The following MTERF2 variants were observed in gnomAD, a reference collection of about 807,000 sequenced individuals.
MTERF2 encodes mitochondrial transcription termination factor 2.
A neutral mutation model predicts 29.2 loss-of-function variants in MTERF2; 23 were observed. The ratio of observed to expected loss-of-function variants is 0.79; its 90% CI spans 0.57 to 1.12. MTERF2 has a LOEUF of 1.12. Among genes scored for constraint, MTERF2 ranks in the 50% most tolerant of loss-of-function variants. MTERF2 has a pLI of 0.00. For missense variants in MTERF2, 440 were observed against 429.4 expected (o/e 1.02, Z -0.22); for synonymous variants, 157 against 159.5 (o/e 0.98, Z 0.12).
chr12:106,984,869 T>C (rs1464566601), intron 2 of MTERF2, among the ~76,000 whole-genome samples: 1 of 152,180 alleles, frequency 6.6e-6, no homozygotes, highest in East Asian at 1.9e-4. Context: ...GCTATGTCTT[T>C]ATCAGCAGCA....
rs1951994917 is a variant in MTERF2, at chr12:106,977,407, CA to C, written c.*149del. Reference sequence around the variant, plus strand: ...ATATTTTATAATATGGCACATGAGTCAGAATTTATCTATTTAGAGATAACTT... The same window carrying C: ...ATATTTTATAATATGGCACATGAGTCGAATTTATCTATTTAGAGATAACTT... On this transcript the variant is annotated 3_prime_UTR_variant, in exon 3 of 3. Transcript: ENST00000240050. 2 of 569,580 alleles carry C rather than the reference CA, an allele frequency of 3.5e-6. No homozygotes were observed. The highest frequency in any genetic ancestry group is 5.9e-6 in the Non-Finnish European group (2 of 336,704). The allele number at this position is 569,580 out of a possible 1,614,324, so 35.3% of individuals were successfully genotyped here. A position where few individuals can be genotyped will look rare whatever the true frequency, so the allele number is the denominator to read the frequency against.
At chr12:106,986,823 A>G (rs1952123737) in intron 1 of MTERF2, 146 bp downstream of exon 1, 2 of 152,230 alleles carry the variant, frequency 1.3e-5, no homozygotes, top group South Asian at 4.1e-4. Context: ...AAAAGGCCGC[A>G]CATTCACTGT....
intron 2 of MTERF2, 148 bp from the exon 3 acceptor site, chr12:106,978,919 TC>T (rs1352550924): frequency 6.0e-6 from 3 of 500,118 alleles, no homozygotes; most frequent in Non-Finnish European, 1.0e-5. Flanking sequence ...TTAAAAATCT[TC>T]CTAAATAAGG....
intron 2 of MTERF2, among the ~76,000 whole-genome samples, chr12:106,983,532 G>A (rs34991083): frequency 0.36 from 54,038 of 152,046 alleles, 9,996 homozygotes; most frequent in Non-Finnish European, 0.42. Flanking sequence ...AGTTTTCCTT[G>A]ATGATCCTTA....
chr12:106,982,076 C>T (rs114298876), intron 2 of MTERF2, among the ~76,000 whole-genome samples: 6,213 of 152,192 alleles, frequency 0.041, 138 homozygotes, highest in Middle Eastern at 0.085. Context: ...TGTGCAGGAG[C>T]CTCTGTCAGT....
chr12:106,978,696 G>GC lies in MTERF2; in HGVS notation c.18dup (p.Leu7AlafsTer32). The GC allele has an allele frequency of 6.2e-7, 1 of 1,613,336 alleles. No homozygotes were observed. The highest frequency in any genetic ancestry group is 8.5e-7 in the Non-Finnish European group (1 of 1,179,664). On this transcript the variant is annotated frameshift_variant, in exon 3 of 3. Coordinates refer to ENST00000240050, the MANE Select transcript of MTERF2 (RefSeq NM_001033050.3). LOFTEE classifies it high-confidence loss of function. ...CACAGCCTGCAGGACTGGGATCTCA[G>GC]CAGCAGCTTCCACAACATGGCTGCA...
At position 106,977,360 on chromosome 12, in the gene MTERF2, C is replaced by A; in HGVS notation, c.*197G>T. 2 of 461,134 alleles carry A rather than the reference C, an allele frequency of 4.3e-6. No homozygotes were observed. The highest frequency in any genetic ancestry group is 4.6e-5 in the South Asian group (1 of 21,802). 28.6% of individuals were successfully genotyped at this position (461,134 alleles called of 1,614,324 possible). A position where few individuals can be genotyped will look rare whatever the true frequency, so the allele number is the denominator to read the frequency against. Reference sequence around the variant, plus strand: ...ATGGTTCAAGGTAAAAGTTACCAACCTTATTAAAATAAATATGATTTATAT... The same window carrying A: ...ATGGTTCAAGGTAAAAGTTACCAACATTATTAAAATAAATATGATTTATAT... On this transcript the variant is annotated 3_prime_UTR_variant, in exon 3 of 3. Coordinates refer to ENST00000240050, the MANE Select transcript of MTERF2 (RefSeq NM_001033050.3).
rs1951995363 is a variant in MTERF2, at chr12:106,977,483, A to G, written c.*74T>C. On this transcript the variant is annotated 3_prime_UTR_variant, in exon 3 of 3. Coordinates refer to ENST00000240050, the MANE Select transcript of MTERF2 (RefSeq NM_001033050.3). ...GTTCTTAAAATTACTGGTGTCTACA[A>G]ACTGCCTGAATTTTTGTCTTTGCTA... 7.0e-7 allele frequency: 1 copy of G among 1,419,416 alleles called. No individual in the cohort carries two copies. The highest frequency in any genetic ancestry group is 1.4e-5 in the South Asian group (1 of 71,282). 87.9% of individuals were successfully genotyped at this position (1,419,416 alleles called of 1,614,324 possible). A position where few individuals can be genotyped will look rare whatever the true frequency, so the allele number is the denominator to read the frequency against.
At chr12:106,984,946 A>T (rs4640029) in intron 2 of MTERF2, among the ~76,000 whole-genome samples, 169 bp downstream of exon 2, 49,930 of 152,142 alleles carry the variant, frequency 0.33, 9,821 homozygotes, top group Non-Finnish European at 0.45. Context: ...TGACTTCTGC[A>T]GCTTTTAGCA....
intron 2 of MTERF2, chr12:106,980,791 T>C (rs1426477965): frequency 1.3e-5 from 2 of 152,206 alleles, no homozygotes; most frequent in Non-Finnish European, 2.9e-5. Flanking sequence ...CTGGGGACTC[T>C]TCACTTTCAG....
intron 2 of MTERF2, 130 bp downstream of exon 2, chr12:106,984,983 TTC>T (rs1952094030): frequency 6.6e-6 from 1 of 152,358 alleles, no homozygotes; most frequent in Non-Finnish European, 1.5e-5. Flanking sequence ...CCTTGAAATA[TTC>T]TCTCATTTGA....
At chr12:106,980,926 AG>A (rs1247367824) in intron 2 of MTERF2, among the ~76,000 whole-genome samples, 2 of 152,354 alleles carry the variant, frequency 1.3e-5, no homozygotes, top group Admixed American at 1.3e-4. Flanking sequence ...AAATAATTGT[AG>A]GCATAGCTTG....
rs150635036 is a variant in MTERF2 at position 106,978,491 on chromosome 12, G to A, written c.224C>T (p.Thr75Ile). The A allele has an allele frequency of 5.8e-5, 94 of 1,614,114 alleles. No homozygotes were observed. Among genetic ancestry groups the A allele is most frequent in the Admixed American group, 5.5e-4 (33 of 60,010 alleles). Residue 75 changes from threonine (T) to isoleucine (I), a missense_variant, in exon 3 of 3, where the codon ACC (threonine) becomes ATC (isoleucine). By Grantham distance (89) the Thr-to-Ile change is moderately conservative (BLOSUM62 -1). Coordinates refer to ENST00000240050, the MANE Select transcript of MTERF2 (RefSeq NM_001033050.3). ...AATATTCGCAATTTCTTCAACATAGGTTTCATCCTCTAAAAGTACCCATCC... is the reference window on the plus strand; with the variant it reads ...AATATTCGCAATTTCTTCAACATAGATTTCATCCTCTAAAAGTACCCATCC... ...LKGWVLLEDETYVEEIANILQ... is the reference protein window; with the variant it reads ...LKGWVLLEDEIYVEEIANILQ...
intron 2 of MTERF2, among the ~76,000 whole-genome samples, chr12:106,984,495 G>A (rs957557570): frequency 1.3e-5 from 2 of 152,072 alleles, no homozygotes; most frequent in African/African-American, 2.4e-5. Flanking sequence ...GAGCTCAAGC[G>A]ATCTGCCCAC....
rs752879377 is a variant in MTERF2 at position 106,978,240 on chromosome 12, A to G, written c.475T>C (p.Leu159=). The G allele has an allele frequency of 8.7e-6, 14 of 1,613,708 alleles. No homozygotes were observed. Among genetic ancestry groups the G allele is most frequent in the Middle Eastern group, 1.6e-4 (1 of 6,084 alleles). The stretch of plus-strand genomic sequence containing the variant: ...CTAATGACCACATTTTTTAGTCCCA[A>G]CTCTTGAAAGAACTGAACATTCAGC... ...QKLNVQFFQE[L]GLKNVVISRL... The change falls in exon 3 of 3, where the codon TTG becomes CTG. Residue 159 remains leucine (L), a synonymous_variant. Transcript: ENST00000240050.
intron 2 of MTERF2, among the ~76,000 whole-genome samples, chr12:106,979,305 TA>T (rs989550381): frequency 5.3e-5 from 8 of 152,234 alleles, no homozygotes; most frequent in African/African-American, 1.9e-4. Context: ...AGCAGATACT[TA>T]AAGGGGGAAG....
Position 106,977,838 on chromosome 12 carries a change from A to G in MTERF2, c.877T>C (p.Tyr293His). The change falls in exon 3 of 3, where the codon TAT becomes CAT. Residue 293 changes from tyrosine (Y) to histidine (H), a missense_variant. Physicochemically the swap from Tyr to His is moderately conservative, Grantham distance 83 (BLOSUM62 2). Transcript: ENST00000240050. ...TCTTCTAAAACTGGAACAGAATAAT[A>G]TAAAAGGGCAGGACATTTCAAAACT... ...QLVLKCPALL[Y>H]YSVPVLEERM... 6.2e-7 allele frequency: 1 copy of G among 1,613,994 alleles called. No homozygotes were observed. Among genetic ancestry groups the G allele is most frequent in the Non-Finnish European group, 8.5e-7 (1 of 1,180,006 alleles).
At chr12:106,983,312 T>C (rs1952073024) in intron 2 of MTERF2, among the ~76,000 whole-genome samples, 1 of 152,182 alleles carries the variant, frequency 6.6e-6, no homozygotes, top group Admixed American at 6.5e-5. Context: ...TAACTCTCCA[T>C]ACCCTCTTCC....
rs35548605 is a variant in MTERF2 at position 106,978,473 on chromosome 12, G to A, written c.242C>T (p.Ala81Val). 11 of 1,614,010 alleles carry A rather than the reference G, an allele frequency of 6.8e-6. No individual in the cohort carries two copies. In the East Asian group the frequency reaches 1.6e-4, roughly 23 times the overall value. The change falls in exon 3 of 3, where the codon GCG becomes GTG. Residue 81 changes from alanine (A) to valine (V), a missense_variant. Transcript: ENST00000240050. ...LEDETYVEEI[A>V]NILQELGADE... ...GGCACCTAGTTCTTGTAAAATATTC[G>A]CAATTTCTTCAACATAGGTTTCATC...
Sources: allele counts gnomAD v4.1 joint callset (sites outside exome capture counted in the v4.1 genomes callset), GRCh38; gene constraint gnomAD v4.1.1; transcripts MANE v1.5; gene names NCBI Gene and HGNC (gene_info 2026-07-23, HGNC 2026-07-21).